GALNT9: variants seen among roughly 807,000 people sequenced by gnomAD.
GALNT9 encodes polypeptide N-acetylgalactosaminyltransferase 9.
A neutral mutation model predicts 63.1 loss-of-function variants in GALNT9; 47 were observed. That is an observed-to-expected ratio of 0.75 (90% confidence interval 0.59 to 0.95). The LOEUF (loss-of-function observed/expected upper bound fraction) is 0.95. Ranked by LOEUF, GALNT9 falls within the 40% of genes least tolerant of loss-of-function variation. The pLI, the probability that GALNT9 is intolerant of heterozygous loss-of-function variation, is 0.00. For missense variants in GALNT9, 829 were observed against 874.8 expected, an observed-to-expected ratio of 0.95 and a Z score of 0.66; for synonymous variants, 396 against 365.7, an observed-to-expected ratio of 1.08 and a Z score of -0.94.
intron 6 of GALNT9, among the ~76,000 whole-genome samples, chr12:132,227,410 C>T: frequency 6.6e-6 from 1 of 152,188 alleles, no homozygotes; most frequent in South Asian, 2.1e-4. Flanking sequence ...AAGCGTGTGC[C>T]TGTGAAAGCA....
At chr12:132,273,846 AG>A (rs1278200136) in intron 2 of GALNT9, 12 of 152,332 alleles carry the variant, frequency 7.9e-5, no homozygotes, top group Admixed American at 7.9e-4. Flanking sequence ...CAGGGAGCAC[AG>A]GGCGCCCCTC....
At chr12:132,211,833 T>C (rs1197744414) in intron 6 of GALNT9, among the ~76,000 whole-genome samples, 1 of 152,090 alleles carries the variant, frequency 6.6e-6, no homozygotes, top group Non-Finnish European at 1.5e-5. Flanking sequence ...CCAAACTTGG[T>C]CCCCAACAGC....
At chr12:132,294,579 G>T (rs1555243054) in intron 1 of GALNT9, among the ~76,000 whole-genome samples, 1 of 57,594 alleles carries the variant, frequency 1.7e-5, no homozygotes, top group East Asian at 4.9e-4. Context: ...TGCTCAGGGT[G>T]CCAGCGGTCA....
chr12:132,210,838 TCTGGAGGTCGCCG>T (rs1565987779), intron 6 of GALNT9, among the ~76,000 whole-genome samples: 1 of 147,896 alleles, frequency 6.8e-6, no homozygotes, highest in African/African-American at 2.6e-5. Context: ...GAGGTCGCCG[TCTGGAGGTCGCCG>T]TCTGGCGGTT....
intron 1 of GALNT9, among the ~76,000 whole-genome samples, chr12:132,295,017 C>G (rs1401102338): frequency 6.6e-6 from 1 of 152,214 alleles, no homozygotes; most frequent in Admixed American, 6.5e-5. Context: ...GTGGAGACGC[C>G]CGGCCTGCGG....
chr12:132,266,345 A>G (rs1404464314), intron 2 of GALNT9, among the ~76,000 whole-genome samples: 1 of 152,250 alleles, frequency 6.6e-6, no homozygotes, highest in Non-Finnish European at 1.5e-5. Flanking sequence ...TGCCTACTTG[A>G]GCTTTGGACT....
chr12:132,303,702 G>A (rs376967588), intron 1 of GALNT9, among the ~76,000 whole-genome samples: 73 of 2,632 alleles, frequency 0.028, 15 homozygotes, highest in Non-Finnish European at 0.05. Flanking sequence ...CACCCTCACC[G>A]GGGCACACCC....
intron 6 of GALNT9, chr12:132,247,345 T>C (rs782317056): frequency 1.2e-5 from 4 of 342,814 alleles, no homozygotes; most frequent in Non-Finnish European, 2.3e-5. Flanking sequence ...AAAAATAAAG[T>C]AGACATGGGA....
chr12:132,201,943 G>A (rs79242303), intron 7 of GALNT9, among the ~76,000 whole-genome samples: 6,308 of 152,236 alleles, frequency 0.041, 433 homozygotes, highest in African/African-American at 0.14. Context: ...CGGACAGCCA[G>A]CCCTGAGGGA....
At chr12:132,317,111 G>C (rs1773461041) in intron 1 of GALNT9, among the ~76,000 whole-genome samples, 1 of 147,616 alleles carries the variant, frequency 6.8e-6, no homozygotes, top group Non-Finnish European at 1.5e-5. Flanking sequence ...AGCACAGCCT[G>C]CACCCTACAC....
At chr12:132,312,386 A>G (rs1451431820) in intron 1 of GALNT9, among the ~76,000 whole-genome samples, 2 of 152,224 alleles carry the variant, frequency 1.3e-5, no homozygotes, top group Non-Finnish European at 2.9e-5. Flanking sequence ...CGGCTGCTCC[A>G]TGCAGCAATA....
intron 1 of GALNT9, among the ~76,000 whole-genome samples, chr12:132,309,943 C>T (rs1236932595): frequency 3.9e-5 from 6 of 152,268 alleles, no homozygotes; most frequent in Non-Finnish European, 7.3e-5. Flanking sequence ...GGTGAAACCC[C>T]GGCCTCCCCG....
chr12:132,290,237 C>A (rs1880754788), intron 1 of GALNT9, among the ~76,000 whole-genome samples: 1 of 151,996 alleles, frequency 6.6e-6, no homozygotes. Context: ...AGGTGCCTGC[C>A]CCGTCTGCCC....
intron 3 of GALNT9, among the ~76,000 whole-genome samples, chr12:132,261,838 T>C (rs558897277): frequency 6.6e-6 from 1 of 152,146 alleles, no homozygotes; most frequent in Non-Finnish European, 1.5e-5. Flanking sequence ...GCAAGATCCT[T>C]GTTTGGGGTT....
In GALNT9 at chr12:132,327,871, A is replaced by G. The variant is rs1869105314; in HGVS notation, c.238+1095T>C. Among the ~76,000 whole-genome samples, 1 of 148,680 alleles carries G rather than the reference A, an allele frequency of 6.7e-6. No homozygotes were observed. Among genetic ancestry groups the G allele is most frequent in the South Asian group, 2.2e-4 (1 of 4,606 alleles). On this transcript the variant is annotated intron_variant, in intron 1 of 10. Transcript: ENST00000328957. The surrounding 1 kb of genome is among the most constrained non-coding windows in gnomAD (Gnocchi z 4.3). ...CAAGAGAGGGTGTGGCTCCTGAAGG[A>G]AACGCAAGACCACCCCCCGCCTTTG...
Position 132,197,047 on chromosome 12 carries a change from G to A in GALNT9, c.*60C>T. 6.3e-7 allele frequency: 1 copy of A among 1,595,872 alleles called. No individual in the cohort carries two copies. Among genetic ancestry groups the A allele is most frequent in the South Asian group, 1.1e-5 (1 of 89,066 alleles). Reference sequence around the variant, plus strand: ...CTGCCGGGCACACCCCGGTCACTCAGCCACACTGGCTCGGCCCAGCGCCTT... The same window carrying A: ...CTGCCGGGCACACCCCGGTCACTCAACCACACTGGCTCGGCCCAGCGCCTT... On this transcript the variant is annotated 3_prime_UTR_variant, in exon 11 of 11. Coordinates refer to ENST00000328957, the MANE Select transcript of GALNT9 (RefSeq NM_001122636.2).
Position 132,197,168 on chromosome 12 carries a change from A to G in GALNT9, c.1751T>C (p.Val584Ala), listed in dbSNP as rs1289071040. The G allele has an allele frequency of 2.5e-6, 4 of 1,614,082 alleles. No individual in the cohort carries two copies. In the South Asian group the frequency reaches 4.4e-5, roughly 18 times the overall value. ...CCACTTCTGCCCCGAGCACCTCTGT[A>G]CCACCAGCCGGAGCCCAAAGTTGGC... is the stretch of plus-strand genomic sequence containing the variant. ...KDANFGLRLV[V>A]QRCSGQKWMI... Residue 584 changes from valine to alanine, a missense_variant, in exon 11 of 11, where the codon GTA becomes GCA. Transcript: ENST00000328957.
chr12:132,226,776 A>G (rs1156718603), intron 6 of GALNT9, among the ~76,000 whole-genome samples: 1 of 144,512 alleles, frequency 6.9e-6, no homozygotes, highest in African/African-American at 2.6e-5. Context: ...CTGTACATAC[A>G]CATCCCACAC....
chr12:132,313,466 CATCCACCCACCTA>C (rs1881890770), intron 1 of GALNT9, among the ~76,000 whole-genome samples: 1 of 149,912 alleles, frequency 6.7e-6, no homozygotes, highest in Non-Finnish European at 1.5e-5. Flanking sequence ...CTCACCCACC[CATCCACCCACCTA>C]ATCCATCCAG....
Sources: gnomAD v4.1 joint callset for allele counts (sites outside exome capture counted in the v4.1 genomes callset) on GRCh38, gnomAD v4.1.1 for gene constraint, Gnocchi (gnomAD v3.1) non-coding constraint, MANE v1.5 for transcripts, NCBI Gene and HGNC (gene_info 2026-07-23, HGNC 2026-07-21) for gene names.